DEUP1: variants seen among roughly 807,000 people sequenced by gnomAD.
The protein encoded by DEUP1 is deuterosome assembly protein 1.
Under a neutral mutation model 87.4 loss-of-function variants are expected in DEUP1, and 82 were observed. The observed-to-expected ratio is 0.94, with a 90% CI of 0.78 to 1.13. The LOEUF (loss-of-function observed/expected upper bound fraction) is 1.13. DEUP1 is among the 50% of genes most tolerant of loss of function. The probability of loss-of-function intolerance (pLI) is 0.00; values close to 1 mark genes in which losing one functional copy is unlikely to be tolerated. For missense variants in DEUP1, 663 were observed against 681.5 expected (o/e 0.97, Z 0.30); for synonymous variants, 214 against 222.7 (o/e 0.96, Z 0.35).
intron 11 of DEUP1, among the ~76,000 whole-genome samples, chr11:93,400,286 C>G (rs1360699169): frequency 1.3e-5 from 2 of 152,194 alleles, no homozygotes; most frequent in African/African-American, 4.8e-5. Flanking sequence ...GGGCTATGCT[C>G]TCTCTGAAAC....
chr11:93,373,725 A>G (rs773978116), intron 7 of DEUP1, among the ~76,000 whole-genome samples: 72 of 150,352 alleles, frequency 4.8e-4, no homozygotes, highest in Non-Finnish European at 9.3e-4. Flanking sequence ...TATTTTTGCA[A>G]TTGCAAATTG....
At chr11:93,343,019 C>T (rs1036206061) in intron 2 of DEUP1, among the ~76,000 whole-genome samples, 5 of 152,158 alleles carry the variant, frequency 3.3e-5, no homozygotes, top group African/African-American at 7.2e-5. Context: ...TGAGGTGCCT[C>T]TGGCCATCCT....
intron 4 of DEUP1, among the ~76,000 whole-genome samples, chr11:93,361,036 A>G (rs1945153244): frequency 6.6e-6 from 1 of 152,126 alleles, no homozygotes; most frequent in African/African-American, 2.4e-5. Flanking sequence ...CAAAGAAAAA[A>G]ATCTTGGAAG....
chr11:93,398,415 G>T (rs1178840996), intron 11 of DEUP1, among the ~76,000 whole-genome samples: 1 of 152,026 alleles, frequency 6.6e-6, no homozygotes. Flanking sequence ...AGCTTCCTAG[G>T]AGTAAAATTG....
chr11:93,418,891 A>G (rs1196653272), intron 13 of DEUP1, among the ~76,000 whole-genome samples: 1 of 151,688 alleles, frequency 6.6e-6, no homozygotes, highest in Non-Finnish European at 1.5e-5. Flanking sequence ...AGGGATATGG[A>G]TGAAGTTGGA....
At chr11:93,340,149 A>G (rs1336120933) in intron 2 of DEUP1, among the ~76,000 whole-genome samples, 2 of 152,106 alleles carry the variant, frequency 1.3e-5, no homozygotes, top group Non-Finnish European at 2.9e-5. Context: ...ATAAATCTAT[A>G]TTATGTTGGG....
chr11:93,394,060 A>T (rs1946859586), intron 9 of DEUP1, among the ~76,000 whole-genome samples: 2 of 152,258 alleles, frequency 1.3e-5, no homozygotes, highest in South Asian at 4.1e-4. Flanking sequence ...TAAAGCCAAG[A>T]GTCCTAGATT....
chr11:93,397,536 T>C (rs1946978547), intron 11 of DEUP1, among the ~76,000 whole-genome samples: 1 of 152,184 alleles, frequency 6.6e-6, no homozygotes, highest in Non-Finnish European at 1.5e-5. Flanking sequence ...TTTAAGTGTA[T>C]ATTCTGGGTC....
intron 13 of DEUP1, among the ~76,000 whole-genome samples, chr11:93,415,411 T>A (rs1410221483): frequency 6.6e-6 from 1 of 152,154 alleles, no homozygotes; most frequent in Non-Finnish European, 1.5e-5. Context: ...CCCTTCAATA[T>A]TCCATGAGTC....
At chr11:93,352,321 A>G (rs1262399838) in intron 2 of DEUP1, 1 of 702,256 alleles carries the variant, frequency 1.4e-6, no homozygotes, top group Admixed American at 2.0e-5. Context: ...GTAAGACCTC[A>G]ATAACTACCT....
intron 11 of DEUP1, among the ~76,000 whole-genome samples, chr11:93,399,196 C>T (rs1052247670): frequency 1.3e-5 from 2 of 151,272 alleles, no homozygotes; most frequent in African/African-American, 4.9e-5. Context: ...TATATTTCTT[C>T]TAAATATATA....
intron 13 of DEUP1, among the ~76,000 whole-genome samples, chr11:93,434,796 C>T (rs1948196156): frequency 6.6e-6 from 1 of 152,212 alleles, no homozygotes; most frequent in South Asian, 2.1e-4. Context: ...GTTCCCAGAT[C>T]CATGTATTCT....
At chr11:93,433,341 C>T (rs1300117069) in intron 13 of DEUP1, among the ~76,000 whole-genome samples, 1 of 152,270 alleles carries the variant, frequency 6.6e-6, no homozygotes, top group East Asian at 1.9e-4. Flanking sequence ...CATAATGAGG[C>T]TCCGTTTCTA....
intron 13 of DEUP1, among the ~76,000 whole-genome samples, chr11:93,419,508 T>G (rs182732164): frequency 6.6e-6 from 1 of 152,268 alleles, no homozygotes; most frequent in Admixed American, 6.6e-5. Context: ...TTGCCTCCCC[T>G]GGTGCTGACA....
chr11:93,411,399 A>G (rs1947430676), intron 12 of DEUP1, among the ~76,000 whole-genome samples: 1 of 152,218 alleles, frequency 6.6e-6, no homozygotes, highest in Admixed American at 6.5e-5. Flanking sequence ...TTTTAAGGCA[A>G]TTCTTACTTT....
chr11:93,353,289 G>A lies in DEUP1; in HGVS notation c.30-2082G>A, dbSNP rs563789397. On this transcript the variant is annotated intron_variant, in intron 2 of 13. Transcript: ENST00000298050. ...CCTATGACTTCAGGTCTCACATCCA[G>A]GTCATGCTGATGCAAAAGGTGGGTT... 4.6e-5 allele frequency among the ~76,000 whole-genome samples: 7 copies of A among 152,328 alleles called. No individual in the cohort carries two copies. The South Asian group carries it at 6.2e-4, about 14-fold the overall frequency.
At chr11:93,366,917 CAG>C (rs763873254) in intron 5 of DEUP1, among the ~76,000 whole-genome samples, 4 of 152,058 alleles carry the variant, frequency 2.6e-5, no homozygotes, top group Non-Finnish European at 5.9e-5. Context: ...TAAAAGTAAA[CAG>C]AAATTTTTTA....
chr11:93,406,873 G>C (rs1947295822), intron 11 of DEUP1, among the ~76,000 whole-genome samples: 1 of 151,896 alleles, frequency 6.6e-6, no homozygotes. Context: ...ATTGACAAAA[G>C]ATAGAGTAAA....
intron 13 of DEUP1, among the ~76,000 whole-genome samples, chr11:93,416,259 G>A (rs1947622023): frequency 1.3e-5 from 2 of 151,810 alleles, no homozygotes; most frequent in South Asian, 2.1e-4. Flanking sequence ...TTTTTGAAAG[G>A]ATCAACAAAA....
Sources: allele counts gnomAD v4.1 joint callset (sites outside exome capture counted in the v4.1 genomes callset), GRCh38; gene constraint gnomAD v4.1.1; transcripts MANE v1.5; gene names NCBI Gene and HGNC (gene_info 2026-07-23, HGNC 2026-07-21).